Variants in LSS observed in about 807,000 individuals in gnomAD.
LSS encodes the protein lanosterol synthase.
Under a neutral mutation model 110.3 loss-of-function variants are expected in LSS, and 90 were observed. That is an observed-to-expected ratio of 0.82 (90% CI 0.69 to 0.97). LSS has a LOEUF of 0.97. Ranked by LOEUF, LSS falls within the 50% of genes least tolerant of loss-of-function variation. LSS has a pLI of 0.00. For synonymous variants in LSS, 433 were observed against 400.0 expected, an observed-to-expected ratio of 1.08 and a Z score of -0.98; for missense variants, 927 against 990.0, an observed-to-expected ratio of 0.94 and a Z score of 0.85.
chr21:46,217,011 C>T (rs1053386507), intron 6 of LSS, among the ~76,000 whole-genome samples: 2 of 152,070 alleles, frequency 1.3e-5, no homozygotes, highest in Non-Finnish European at 2.9e-5. Context: ...CTTTGGGAGG[C>T]CGAGGCTGGT....
intron 10 of LSS, 46 bp downstream of exon 10, chr21:46,213,692 C>T: frequency 6.5e-7 from 1 of 1,542,048 alleles, no homozygotes. Context: ...GGGCTCAGAT[C>T]CAGTCTTCGT....
At chr21:46,197,945 C>T (rs1365741073) in intron 17 of LSS, among the ~76,000 whole-genome samples, 3 of 151,362 alleles carry the variant, frequency 2.0e-5, no homozygotes, top group Non-Finnish European at 4.4e-5. Context: ...TAAATATAGA[C>T]CAATACTAAG....
intron 3 of LSS, among the ~76,000 whole-genome samples, chr21:46,225,011 G>GA (rs770882635): frequency 6.6e-6 from 1 of 152,162 alleles, no homozygotes; most frequent in Non-Finnish European, 1.5e-5. Context: ...AGCTACTCGA[G>GA]AGGCTGTGGG....
At chr21:46,191,742 T>C in intron 21 of LSS, 139 bp downstream of exon 21, 2 of 698,006 alleles carry the variant, frequency 2.9e-6, no homozygotes, top group Non-Finnish European at 5.1e-6. Context: ...CCACCAACTG[T>C]GGCATTCACT....
chr21:46,208,782 GAGC>G (rs1243313373), intron 13 of LSS, among the ~76,000 whole-genome samples: 2 of 152,202 alleles, frequency 1.3e-5, no homozygotes, highest in East Asian at 3.9e-4. Flanking sequence ...CAGGAGGCAG[GAGC>G]AGGAGCAGGC....
Position 46,188,993 on chromosome 21 carries a change from C to A in LSS, c.*2111G>T. 2.9e-6 allele frequency: 1 copy of A among 348,018 alleles called. No individual in the cohort carries two copies. Among genetic ancestry groups the A allele is most frequent in the African/African-American group, 2.1e-5 (1 of 46,736 alleles). The allele number at this position is 348,018 out of a possible 1,614,324, so 21.6% of individuals were successfully genotyped here. ...AGGTAACTGGAGACGCACCCTGCTACTCCTCACGTCACTCTTGTTCCCTAA... is the reference window on the plus strand; with the variant it reads ...AGGTAACTGGAGACGCACCCTGCTAATCCTCACGTCACTCTTGTTCCCTAA... On this transcript the variant is annotated 3_prime_UTR_variant, in exon 22 of 22. Coordinates refer to ENST00000397728, the MANE Select transcript of LSS (RefSeq NM_002340.6).
At chr21:46,202,576 A>G (rs1417440271) in intron 17 of LSS, among the ~76,000 whole-genome samples, 2 of 152,008 alleles carry the variant, frequency 1.3e-5, no homozygotes, top group African/African-American at 4.8e-5. Context: ...ATGAAAGAAA[A>G]AACTTCCTGG....
At chr21:46,225,074 G>A (rs980309633) in intron 3 of LSS, 13 of 154,746 alleles carry the variant, frequency 8.4e-5, no homozygotes, top group African/African-American at 3.1e-4. Context: ...AGCTGTTCCA[G>A]TATAATAAAA....
At chr21:46,207,701 C>A in intron 14 of LSS, 124 bp from the exon 15 acceptor site, 1 of 1,159,756 alleles carries the variant, frequency 8.6e-7, no homozygotes, top group Non-Finnish European at 1.2e-6. Context: ...GCCCAGCCAC[C>A]AAAGGTGTGG....
At position 46,221,638 on chromosome 21, in the gene LSS, G is replaced by C. The variant is rs140535342; in HGVS notation, c.550+216C>G. ...CTCCCAAAGTGCTGGAATTGCAGGC[G>C]TGAGCCACTCACTGTGCCTGGCTCT... is the stretch of plus-strand genomic sequence containing the variant. On this transcript the variant is annotated intron_variant, in intron 5 of 21. Transcript: ENST00000397728. 1.1e-3 allele frequency: 683 copies of C among 611,822 alleles called. 5 individuals carry two copies. The highest frequency in any genetic ancestry group is 0.011 in the African/African-American group (601 of 53,994). 37.9% of individuals were successfully genotyped at this position (611,822 alleles called of 1,614,324 possible).
In LSS at chr21:46,191,083, A is replaced by C; in HGVS notation, c.*21T>G. 6.2e-7 allele frequency: 1 copy of C among 1,613,750 alleles called. No individual in the cohort carries two copies. Among genetic ancestry groups the C allele is most frequent in the South Asian group, 1.1e-5 (1 of 91,070 alleles). ...GGCCTCACTGGAACGCACAGACGGC[A>C]CCCAGCAGGTAGGCATGTTCTCAGG... On this transcript the variant is annotated 3_prime_UTR_variant, in exon 22 of 22. Coordinates refer to ENST00000397728, the MANE Select transcript of LSS (RefSeq NM_002340.6).
At chr21:46,197,433 TA>T (rs1317125897) in intron 17 of LSS, among the ~76,000 whole-genome samples, 1 of 152,156 alleles carries the variant, frequency 6.6e-6, no homozygotes, top group Non-Finnish European at 1.5e-5. Context: ...TGAATGCAAC[TA>T]AATTATCAGA....
chr21:46,215,179 C>G lies in LSS; in HGVS notation c.1011+1G>C. 1.2e-6 allele frequency: 2 copies of G among 1,608,798 alleles called. No individual in the cohort carries two copies. Among genetic ancestry groups the G allele is most frequent in the Non-Finnish European group, 1.7e-6 (2 of 1,179,570 alleles). On this transcript the variant is annotated splice_donor_variant, in intron 9 of 21. Coordinates refer to ENST00000397728, the MANE Select transcript of LSS (RefSeq NM_002340.6). LOFTEE classifies it high-confidence loss of function. Reference sequence around the variant, plus strand: ...GTCAGAGGCCGGGCAGGGGCACTGACCGGGCCGATGCTGATGCTCTTGGTG... The same window carrying G: ...GTCAGAGGCCGGGCAGGGGCACTGAGCGGGCCGATGCTGATGCTCTTGGTG...
chr21:46,225,514 G>A (rs1407504113), intron 3 of LSS: 2 of 411,666 alleles, frequency 4.9e-6, no homozygotes, highest in African/African-American at 4.1e-5. Context: ...TGGACGGCCT[G>A]ACATCAGTCA....
chr21:46,196,034 C>A (rs1422488002), intron 18 of LSS, among the ~76,000 whole-genome samples, 168 bp downstream of exon 18: 4 of 152,274 alleles, frequency 2.6e-5, no homozygotes, highest in Non-Finnish European at 5.9e-5. Context: ...AAAGGCCACG[C>A]ATGCCACAAA....
intron 5 of LSS, chr21:46,220,505 T>G (rs955399941): frequency 6.5e-6 from 1 of 152,898 alleles, no homozygotes; most frequent in South Asian, 2.0e-4. Flanking sequence ...AAGGAGGCAG[T>G]GCATGGCGAG....
At chr21:46,217,995 C>A (rs1291654239) in intron 6 of LSS, among the ~76,000 whole-genome samples, 1 of 152,206 alleles carries the variant, frequency 6.6e-6, no homozygotes, top group Non-Finnish European at 1.5e-5. Flanking sequence ...CCGTCACCAC[C>A]CAAACTGGCT....
At chr21:46,196,739 T>A (rs1351431520) in intron 17 of LSS, among the ~76,000 whole-genome samples, 2 of 152,192 alleles carry the variant, frequency 1.3e-5, no homozygotes, top group Admixed American at 1.3e-4. Context: ...CTGTGGGACG[T>A]GGGACTTGTC....
rs71318051 is a variant in LSS at position 46,210,063 on chromosome 21, C to CTTTT, written c.1195-442_1195-439dup. 5.3e-4 allele frequency among the ~76,000 whole-genome samples: 57 copies of CTTTT among 107,566 alleles called. 1 individual carries two copies. Among genetic ancestry groups the CTTTT allele is most frequent in the African/African-American group, 7.8e-4 (21 of 27,036 alleles). 70.6% of individuals were successfully genotyped at this position (107,566 alleles called of 152,430 possible). On this transcript the variant is annotated intron_variant, in intron 12 of 21. Coordinates refer to ENST00000397728, the MANE Select transcript of LSS (RefSeq NM_002340.6). Reference sequence around the variant, plus strand: ...ATGCCCATAACAAACAGTTCCAGTTCTTTTTTTTTTTTTTTTTTTTTGAGA... The same window carrying CTTTT: ...ATGCCCATAACAAACAGTTCCAGTTCTTTTTTTTTTTTTTTTTTTTTTTTTGAGA...
Sources: gnomAD v4.1 joint callset for allele counts (sites outside exome capture counted in the v4.1 genomes callset) on GRCh38, gnomAD v4.1.1 for gene constraint, MANE v1.5 for transcripts, NCBI Gene and HGNC (gene_info 2026-07-23, HGNC 2026-07-21) for gene names.